The following IQSEC1 variants were observed in gnomAD, a reference collection of about 807,000 sequenced individuals.
IQSEC1 encodes IQ motif and SEC7 domain-containing protein 1.
A neutral mutation model predicts 91.0 loss-of-function variants in IQSEC1; 31 were observed. That is an observed-to-expected ratio of 0.34 (90% CI 0.26 to 0.46). IQSEC1 has a LOEUF of 0.46. Ranked by LOEUF, IQSEC1 falls within the 20% of genes least tolerant of loss-of-function variation. The pLI, the probability that IQSEC1 is intolerant of heterozygous loss-of-function variation, is 1.00. For missense variants in IQSEC1, 1,388 were observed against 1,575.6 expected, an observed-to-expected ratio of 0.88 and a Z score of 2.02; for synonymous variants, 699 against 662.6, an observed-to-expected ratio of 1.05 and a Z score of -0.84.
At position 12,908,932 on chromosome 3, in the gene IQSEC1, G is replaced by A. The variant is rs906807295; in HGVS notation, c.2578+341C>T. Among the ~76,000 whole-genome samples, 20 of 152,270 alleles carry A rather than the reference G, an allele frequency of 1.3e-4. No individual in the cohort carries two copies. The highest frequency in any genetic ancestry group is 4.6e-4 in the African/African-American group (19 of 41,552). On this transcript the variant is annotated intron_variant, in intron 11 of 13. Coordinates refer to ENST00000613206, the MANE Select transcript of IQSEC1 (RefSeq NM_001134382.3). This position sits in a 1 kb window ranked among gnomAD's most constrained non-coding sequence, Gnocchi z 4.9. ...CCTGGAGCCAGGGATGGCCTTGGCT[G>A]TGTGACCCATCAGTCGGTTGAGCCT...
chr3:12,935,596 C>T lies in IQSEC1; in HGVS notation c.1420G>A (p.Glu474Lys), dbSNP rs747542479. ...CGCAGGCTGTCACGGGACGATGACT[C>T]GGAGCTGCAGTTGATGGTATCGTTG... Reference protein sequence around the residue: ...NSNDTINCSSESSSRDSLREQ... With the variant: ...NSNDTINCSSKSSSRDSLREQ... The change falls in exon 3 of 14, where the codon GAG becomes AAG. Residue 474 changes from glutamate to lysine, a missense_variant. Physicochemically the swap from Glu to Lys is moderately conservative, Grantham distance 56. Transcript: ENST00000613206. This position sits in a 1 kb window ranked among gnomAD's most constrained non-coding sequence, Gnocchi z 8.0. 17 of 1,614,122 alleles carry T rather than the reference C, an allele frequency of 1.1e-5. No individual in the cohort carries two copies. The highest frequency in any genetic ancestry group is 1.3e-5 in the African/African-American group (1 of 75,056).
At position 13,272,913 on chromosome 3, in the gene IQSEC1, T is replaced by C. The variant is rs139415456; in HGVS notation, c.272+9798A>G. Among the ~76,000 whole-genome samples, 282 of 152,260 alleles carry C rather than the reference T, an allele frequency of 1.9e-3. 3 individuals are homozygous for C. Among genetic ancestry groups the C allele is most frequent in the African/African-American group, 6.3e-3 (260 of 41,540 alleles). ...AGCATTAACTATGCAGAGAAGTGGG[T>C]AGATAAGAGACATGTGCTGAAACCC... is the stretch of plus-strand genomic sequence containing the variant. On this transcript the variant is annotated intron_variant, in intron 1 of 15. Coordinates refer to the IQSEC1 transcript ENST00000648114.
Position 12,967,681 on chromosome 3 carries a change from G to C in IQSEC1, c.24-25816C>G. 1.7e-6 allele frequency: 2 copies of C among 1,162,930 alleles called. No individual in the cohort carries two copies. Among genetic ancestry groups the C allele is most frequent in the Non-Finnish European group, 2.1e-6 (2 of 945,038 alleles). 72.0% of individuals were successfully genotyped at this position (1,162,930 alleles called of 1,614,324 possible). On this transcript the variant is annotated intron_variant, in intron 1 of 13. Transcript: ENST00000613206. This position sits in a 1 kb window ranked among gnomAD's most constrained non-coding sequence, Gnocchi z 5.9. Reference sequence around the variant, plus strand: ...CAGCCAAGCCCGCCCCTCCGCCGCCGCCCGCTTGGCGCAGCGCGAGGCCGG... The same window carrying C: ...CAGCCAAGCCCGCCCCTCCGCCGCCCCCCGCTTGGCGCAGCGCGAGGCCGG...
chr3:12,997,578 C>A (rs1346385134), intron 1 of IQSEC1, among the ~76,000 whole-genome samples: 1 of 152,150 alleles, frequency 6.6e-6, no homozygotes, highest in East Asian at 1.9e-4. Context: ...AGTGTTCTTA[C>A]ACAACCTAGA....
At chr3:12,904,500 A>G (rs1559601454) in intron 12 of IQSEC1, among the ~76,000 whole-genome samples, 1 of 152,226 alleles carries the variant, frequency 6.6e-6, no homozygotes, top group Admixed American at 6.5e-5. Flanking sequence ...GTGTGGGAAG[A>G]AGGGCTGACC....
Position 12,901,902 on chromosome 3 carries a change from G to A in IQSEC1, c.2806-380C>T, listed in dbSNP as rs561505224. Among the ~76,000 whole-genome samples the A allele has an allele frequency of 8.5e-4, 130 of 152,290 alleles. 1 individual carries two copies. Among genetic ancestry groups the A allele is most frequent in the African/African-American group, 3.0e-3 (126 of 41,568 alleles). On this transcript the variant is annotated intron_variant, in intron 13 of 13. Coordinates refer to ENST00000613206, the MANE Select transcript of IQSEC1 (RefSeq NM_001134382.3). The stretch of plus-strand genomic sequence containing the variant: ...CGCTGTGTGTGGCGAGTGCAGAGGG[G>A]CTGATGTGCCTGGAGGAGGAGCCCT...
intron 1 of IQSEC1, among the ~76,000 whole-genome samples, chr3:13,054,938 G>T (rs1704821786): frequency 6.6e-6 from 1 of 152,244 alleles, no homozygotes; most frequent in East Asian, 1.9e-4. Flanking sequence ...GAAGCTGACG[G>T]CTGGAGGCAC....
intron 1 of IQSEC1, among the ~76,000 whole-genome samples, chr3:13,195,406 C>A (rs1173439454): frequency 5.3e-5 from 8 of 152,186 alleles, no homozygotes; most frequent in Non-Finnish European, 1.2e-4. Flanking sequence ...AATGGTACAG[C>A]CTCCGTGGCA....
At chr3:12,952,667 C>A (rs1699631342) in intron 1 of IQSEC1, among the ~76,000 whole-genome samples, 1 of 152,230 alleles carries the variant, frequency 6.6e-6, no homozygotes, top group Non-Finnish European at 1.5e-5. Context: ...CCACTCCAGC[C>A]CAGCCCCCTG....
At chr3:12,951,355 G>A (rs1321445947) in intron 1 of IQSEC1, among the ~76,000 whole-genome samples, 1 of 152,112 alleles carries the variant, frequency 6.6e-6, no homozygotes, top group Non-Finnish European at 1.5e-5. Context: ...CCCGGGAGGC[G>A]GAGGTTGCAG....
rs775290818 is a variant in IQSEC1, at chr3:13,211,969, C to T, written c.273-47836G>A. Among the ~76,000 whole-genome samples the T allele has an allele frequency of 1.1e-4, 16 of 152,070 alleles. No individual in the cohort carries two copies. Among genetic ancestry groups the T allele is most frequent in the Non-Finnish European group, 2.1e-4 (14 of 68,006 alleles). Reference sequence around the variant, plus strand: ...AGCCCCTGTGGGCTCTGGCGCGTGTCGGTGCCCAGCCTCTGTGAGAGGCCC... The same window carrying T: ...AGCCCCTGTGGGCTCTGGCGCGTGTTGGTGCCCAGCCTCTGTGAGAGGCCC... On this transcript the variant is annotated intron_variant, in intron 1 of 15. Coordinates refer to the IQSEC1 transcript ENST00000648114. This position sits in a 1 kb window ranked among gnomAD's most constrained non-coding sequence, Gnocchi z 5.3.
intron 1 of IQSEC1, among the ~76,000 whole-genome samples, chr3:13,257,395 C>T (rs1196052645): frequency 6.6e-6 from 1 of 152,220 alleles, no homozygotes; most frequent in Non-Finnish European, 1.5e-5. Context: ...CTGAACCCCA[C>T]GCTGTGGGTC....
At chr3:13,132,318 A>G (rs527576866) in intron 2 of IQSEC1, among the ~76,000 whole-genome samples, 8 of 152,326 alleles carry the variant, frequency 5.3e-5, no homozygotes, top group Admixed American at 3.3e-4. Flanking sequence ...GGCTGGTGAC[A>G]ATAAGCACTT....
rs796663192 is a variant in IQSEC1 at position 13,276,080 on chromosome 3, C to CTTTTTT, written c.272+6625_272+6630dup. Among the ~76,000 whole-genome samples, 40 of 79,550 alleles carry CTTTTTT rather than the reference C, an allele frequency of 5.0e-4. 6 individuals carry two copies. The highest frequency in any genetic ancestry group is 1.8e-3 in the South Asian group (3 of 1,684). The allele number at this position is 79,550 out of a possible 152,430, so 52.2% of individuals were successfully genotyped here. On this transcript the variant is annotated intron_variant, in intron 1 of 15. Coordinates refer to the IQSEC1 transcript ENST00000648114. ...AGGGAAAACAATCCTCAAAAGCATT[C>CTTTTTT]TTTTTTTTTTTTTTTTTTTTTTTTT...
intron 2 of IQSEC1, among the ~76,000 whole-genome samples, chr3:13,089,357 A>G (rs759624058): frequency 2.0e-5 from 3 of 152,242 alleles, no homozygotes; most frequent in Non-Finnish European, 4.4e-5. Context: ...AGGCTGGAGA[A>G]TTACTTGAGC....
chr3:12,944,685 T>C (rs1228046245), intron 1 of IQSEC1, among the ~76,000 whole-genome samples: 1 of 152,192 alleles, frequency 6.6e-6, no homozygotes, highest in Admixed American at 6.5e-5. Context: ...CTTAAAGAGA[T>C]GCAGCCGGGC....
chr3:13,112,228 C>T, intron 2 of IQSEC1, among the ~76,000 whole-genome samples: 1 of 152,234 alleles, frequency 6.6e-6, no homozygotes, highest in East Asian at 1.9e-4. Context: ...CTAAGTTCAA[C>T]ATTCACCACG....
At chr3:13,007,151 C>T (rs925750399) in intron 1 of IQSEC1, among the ~76,000 whole-genome samples, 2 of 152,342 alleles carry the variant, frequency 1.3e-5, no homozygotes, top group East Asian at 3.9e-4. Flanking sequence ...CTGGCAGGGG[C>T]TGCATGAGAC....
At chr3:13,073,529 T>C (rs997113429), upstream of IQSEC1, among the ~76,000 whole-genome samples, 3 of 151,778 alleles carry the variant, frequency 2.0e-5, no homozygotes, top group Admixed American at 6.6e-5. Flanking sequence ...CTGGTCGCCA[T>C]GGCAACAGCA....
Sources: allele counts gnomAD v4.1 joint callset (sites outside exome capture counted in the v4.1 genomes callset), GRCh38; gene constraint gnomAD v4.1.1; non-coding constraint Gnocchi (gnomAD v3.1); transcripts MANE v1.5; gene names NCBI Gene and HGNC (gene_info 2026-07-23, HGNC 2026-07-21).